IRAK1BP1: variants seen among roughly 807,000 people sequenced by gnomAD.
The protein encoded by IRAK1BP1 is interleukin 1 receptor associated kinase 1 binding protein 1.
A neutral mutation model predicts 28.0 loss-of-function variants in IRAK1BP1; 24 were observed. That is an observed-to-expected ratio of 0.86 (90% confidence interval 0.62 to 1.20). IRAK1BP1 has a LOEUF of 1.20. Among genes scored for constraint, IRAK1BP1 ranks in the 50% most tolerant of loss-of-function variants. The pLI is 0.00. For synonymous variants in IRAK1BP1, 131 were observed against 116.3 expected (o/e 1.13, Z -0.81); for missense variants, 336 against 316.7 (o/e 1.06, Z -0.46).
chr6:78,871,358 TA>T, intron 1 of IRAK1BP1: 1 of 985,158 alleles, frequency 1.0e-6, no homozygotes, highest in Non-Finnish European at 1.2e-6. Flanking sequence ...TTAACCCCTT[TA>T]ACCCATTGCA....
At chr6:78,932,786 A>G (rs1234162295) in intron 4 of IRAK1BP1, among the ~76,000 whole-genome samples, 1 of 152,190 alleles carries the variant, frequency 6.6e-6, no homozygotes, top group Non-Finnish European at 1.5e-5. Flanking sequence ...TGAGGTGCAG[A>G]ACGGATGTTG....
chr6:78,975,077 T>C, the IRAK1BP1 span, among the ~76,000 whole-genome samples: 5 of 151,284 alleles, frequency 3.3e-5, no homozygotes, highest in Middle Eastern at 6.8e-3. Flanking sequence ...CCAAAAAAGA[T>C]AATTTTAGAC....
chr6:78,875,264 G>A (rs1440434758), intron 1 of IRAK1BP1, among the ~76,000 whole-genome samples: 1 of 152,164 alleles, frequency 6.6e-6, no homozygotes, highest in Non-Finnish European at 1.5e-5. Flanking sequence ...AGAAAGAGGA[G>A]TGCTTATACT....
chr6:78,895,671 C>G (rs1437885483), intron 2 of IRAK1BP1, among the ~76,000 whole-genome samples: 1 of 152,024 alleles, frequency 6.6e-6, no homozygotes, highest in African/African-American at 2.4e-5. Flanking sequence ...ACAGAAGAAG[C>G]ACTTAACAAA....
rs145881110 is a variant in IRAK1BP1 at position 78,891,886 on chromosome 6, C to A, written c.382-5943C>A. ...CTTTCCCTCTCCTTTTCCTTGCATG[C>A]CTGCTATGTGTTAAGCATTTTCCAT... On this transcript the variant is annotated intron_variant, in intron 2 of 3. Transcript: ENST00000369940. Among the ~76,000 whole-genome samples the A allele has an allele frequency of 6.4e-4, 98 of 152,304 alleles. 1 individual carries two copies. The South Asian group carries it at 8.1e-3, about 13-fold the overall frequency.
At chr6:78,920,400 A>G (rs1772691626) in intron 4 of IRAK1BP1, among the ~76,000 whole-genome samples, 1 of 152,224 alleles carries the variant, frequency 6.6e-6, no homozygotes, top group African/African-American at 2.4e-5. Context: ...TACAGTAACC[A>G]AAATAGGATG....
the IRAK1BP1 span, chr6:78,956,058 A>T: frequency 5.2e-5 from 8 of 154,216 alleles, no homozygotes; most frequent in African/African-American, 1.4e-4. Context: ...TTGACACTGT[A>T]CCTTTTGCTT....
At chr6:78,885,356 T>C (rs1249453616) in intron 1 of IRAK1BP1, 22 bp from the exon 2 acceptor site, 4 of 1,422,744 alleles carry the variant, frequency 2.8e-6, no homozygotes, top group Admixed American at 1.8e-5. Flanking sequence ...GTAATCATAC[T>C]CTTGGACTTT....
intron 4 of IRAK1BP1, among the ~76,000 whole-genome samples, chr6:78,943,571 TA>T (rs1323590463): frequency 1.3e-5 from 2 of 152,186 alleles, no homozygotes; most frequent in East Asian, 3.8e-4. Flanking sequence ...TAATGGGCAT[TA>T]AAAATGAGTA....
At position 78,899,939 on chromosome 6, in the gene IRAK1BP1, A is replaced by G. The variant is rs1772036237; in HGVS notation, c.*1605A>G. On this transcript the variant is annotated 3_prime_UTR_variant, in exon 4 of 4. Transcript: ENST00000369940. ...TAGCACATCTCAATTCACATGCTAA[A>G]TTTTCATCAGAAATATTTTATCTGT... The G allele has an allele frequency of 6.6e-6, 1 of 152,172 alleles. No homozygotes were observed. Among genetic ancestry groups the G allele is most frequent in the South Asian group, 2.1e-4 (1 of 4,832 alleles). 9.4% of individuals were successfully genotyped at this position (152,172 alleles called of 1,614,324 possible).
In IRAK1BP1 at chr6:78,915,860, G is replaced by A. The variant is rs559078517; in HGVS notation, c.*67+12750G>A. ...TTGAAGGACATGGACAAACCCATAT[G>A]TCCAGATAATAGTGTTGGCAATTCA... On this transcript the variant is annotated intron_variant and NMD_transcript_variant, in intron 4 of 4. Transcript: ENST00000606868. Among the ~76,000 whole-genome samples the A allele has an allele frequency of 5.9e-5, 9 of 152,292 alleles. 1 individual carries two copies. Among genetic ancestry groups the A allele is most frequent in the African/African-American group, 2.2e-4 (9 of 41,548 alleles).
the IRAK1BP1 span, among the ~76,000 whole-genome samples, chr6:78,952,034 T>C: frequency 6.6e-6 from 1 of 152,236 alleles, no homozygotes; most frequent in Non-Finnish European, 1.5e-5. Context: ...CTTTCAATTG[T>C]TGAGTTTTTT....
At chr6:78,875,540 C>T (rs189160264) in intron 1 of IRAK1BP1, among the ~76,000 whole-genome samples, 203 of 152,236 alleles carry the variant, frequency 1.3e-3, no homozygotes, top group African/African-American at 4.6e-3. Context: ...CAATGAAATA[C>T]TGTGTAGCCA....
At chr6:78,882,593 A>G (rs1771267554) in intron 1 of IRAK1BP1, among the ~76,000 whole-genome samples, 1 of 152,310 alleles carries the variant, frequency 6.6e-6, no homozygotes, top group South Asian at 2.1e-4. Flanking sequence ...ATGAGAAAAC[A>G]TCAATGTCAA....
At chr6:78,963,300 A>C in the IRAK1BP1 span, 5 of 1,468,698 alleles carry the variant, frequency 3.4e-6, no homozygotes, top group African/African-American at 1.4e-5. Flanking sequence ...ACTTATTAGT[A>C]TTCAGGTTAG....
intron 4 of IRAK1BP1, among the ~76,000 whole-genome samples, chr6:78,930,963 AT>A: frequency 3.4e-5 from 1 of 29,656 alleles, no homozygotes; most frequent in Non-Finnish European, 7.5e-5. Flanking sequence ...TAAAAATAAA[AT>A]AAAAAAAAAT....
At chr6:78,971,285 A>T in the IRAK1BP1 span, among the ~76,000 whole-genome samples, 2 of 152,264 alleles carry the variant, frequency 1.3e-5, no homozygotes, top group African/African-American at 4.8e-5. Flanking sequence ...TTTCACATAT[A>T]TTTTAATCCT....
intron 1 of IRAK1BP1, among the ~76,000 whole-genome samples, chr6:78,869,880 G>T (rs1204445115): frequency 6.6e-6 from 1 of 151,824 alleles, no homozygotes; most frequent in African/African-American, 2.4e-5. Context: ...AGGCCGAGGA[G>T]GGCAGATCAC....
At chr6:78,928,981 A>C (rs1772968870) in intron 4 of IRAK1BP1, among the ~76,000 whole-genome samples, 1 of 151,868 alleles carries the variant, frequency 6.6e-6, no homozygotes, top group Non-Finnish European at 1.5e-5. Context: ...CTTGTTTTTG[A>C]TGTGTTTTTG....
Sources: gnomAD v4.1 joint callset for allele counts (sites outside exome capture counted in the v4.1 genomes callset) on GRCh38, gnomAD v4.1.1 for gene constraint, MANE v1.5 for transcripts, NCBI Gene and HGNC (gene_info 2026-07-23, HGNC 2026-07-21) for gene names.